The following HIP1 variants were observed in gnomAD, a reference collection of about 807,000 sequenced individuals.
HIP1 encodes huntingtin interacting protein 1.
Under a neutral mutation model 147.6 loss-of-function variants are expected in HIP1, and 65 were observed. That is an observed-to-expected ratio of 0.44 (90% CI 0.36 to 0.54). The LOEUF (loss-of-function observed/expected upper bound fraction) is 0.54, where lower values mean the gene tolerates loss of function less well. Ranked by LOEUF, HIP1 falls within the 20% of genes least tolerant of loss-of-function variation. The pLI, the probability that HIP1 is intolerant of heterozygous loss-of-function variation, is 0.00. For synonymous variants in HIP1, 479 were observed against 504.0 expected, an observed-to-expected ratio of 0.95 and a Z score of 0.67; for missense variants, 1,061 against 1,299.6, an observed-to-expected ratio of 0.82 and a Z score of 2.82.
intron 1 of HIP1, among the ~76,000 whole-genome samples, chr7:75,699,413 G>C (rs373800472): frequency 6.6e-6 from 1 of 151,794 alleles, no homozygotes; most frequent in South Asian, 2.1e-4. Flanking sequence ...TTTTTCCATC[G>C]ATCTCCTGGG....
intron 1 of HIP1, among the ~76,000 whole-genome samples, chr7:75,681,111 C>T (rs1285197076): frequency 1.3e-5 from 2 of 152,068 alleles, no homozygotes; most frequent in Admixed American, 1.3e-4. Flanking sequence ...CAGGGCTTCA[C>T]CATGTTGGTC....
intron 1 of HIP1, among the ~76,000 whole-genome samples, chr7:75,703,431 G>T (rs1353345258): frequency 6.6e-6 from 1 of 152,084 alleles, no homozygotes; most frequent in Non-Finnish European, 1.5e-5. Flanking sequence ...ATCACCCGAG[G>T]TCGGGAGTTC....
chr7:75,579,729 C>T (rs1405208970), intron 7 of HIP1, among the ~76,000 whole-genome samples: 1 of 152,178 alleles, frequency 6.6e-6, no homozygotes, highest in Admixed American at 6.6e-5. Context: ...CATTTCTGCA[C>T]AGATGAACAA....
At chr7:75,669,968 T>G (rs563613455) in intron 1 of HIP1, among the ~76,000 whole-genome samples, 2 of 152,164 alleles carry the variant, frequency 1.3e-5, no homozygotes, top group Non-Finnish European at 2.9e-5. Flanking sequence ...GCCCAGCTAA[T>G]TTTTGTATGT....
intron 1 of HIP1, among the ~76,000 whole-genome samples, chr7:75,712,367 A>C (rs1801186314): frequency 6.6e-6 from 1 of 152,172 alleles, no homozygotes; most frequent in African/African-American, 2.4e-5. Context: ...AGGCACTGAC[A>C]AACAGCTTTA....
intron 2 of HIP1, among the ~76,000 whole-genome samples, chr7:75,594,316 C>T (rs1796609133): frequency 6.6e-6 from 1 of 151,698 alleles, no homozygotes; most frequent in Non-Finnish European, 1.5e-5. Flanking sequence ...TTCCATAAAC[C>T]TGAACACCCG....
At chr7:75,644,794 G>C (rs192072351) in intron 1 of HIP1, among the ~76,000 whole-genome samples, 1 of 152,256 alleles carries the variant, frequency 6.6e-6, no homozygotes, top group Admixed American at 6.5e-5. Context: ...ATCTCCCCAT[G>C]GGAACGCCTG....
At chr7:75,545,674 G>A (rs1014550598) in intron 25 of HIP1, among the ~76,000 whole-genome samples, 1 of 148,884 alleles carries the variant, frequency 6.7e-6, no homozygotes, top group Non-Finnish European at 1.5e-5. Flanking sequence ...GGCTAGGCGC[G>A]GTGGTTCACG....
rs1385286928 is a variant in HIP1, at chr7:75,537,591, G to T, written c.*581C>A. 4.3e-6 allele frequency: 1 copy of T among 233,090 alleles called. No homozygotes were observed. Among genetic ancestry groups the T allele is most frequent in the African/African-American group, 2.2e-5 (1 of 45,298 alleles). 14.4% of individuals were successfully genotyped at this position (233,090 alleles called of 1,614,324 possible). A position where few individuals can be genotyped will look rare whatever the true frequency, so the allele number is the denominator to read the frequency against. On this transcript the variant is annotated 3_prime_UTR_variant, in exon 31 of 31. Coordinates refer to ENST00000336926, the MANE Select transcript of HIP1 (RefSeq NM_005338.7). ...GTGGAAATCCATGGCACTGCCCAAA[G>T]AGGGGGAGAATGGCTTTGGCATTCA... is the stretch of plus-strand genomic sequence containing the variant.
chr7:75,604,100 T>G (rs1797121998), intron 1 of HIP1, among the ~76,000 whole-genome samples: 1 of 142,402 alleles, frequency 7.0e-6, no homozygotes, highest in Non-Finnish European at 1.5e-5. Flanking sequence ...GTTCTTCCCC[T>G]GGCACCATAG....
intron 1 of HIP1, among the ~76,000 whole-genome samples, chr7:75,679,013 C>T (rs1799980749): frequency 6.6e-6 from 1 of 152,152 alleles, no homozygotes; most frequent in African/African-American, 2.4e-5. Context: ...TCTCTCTCTC[C>T]GTTTATCCTC....
At chr7:75,578,510 T>TAA (rs144600855) in intron 7 of HIP1, among the ~76,000 whole-genome samples, 1 of 151,988 alleles carries the variant, frequency 6.6e-6, no homozygotes, top group African/African-American at 2.4e-5. Context: ...GCCTTGTCTC[T>TAA]AAAAAAAGTA....
At chr7:75,637,982 C>A (rs1210140927) in intron 1 of HIP1, among the ~76,000 whole-genome samples, 11 of 34,292 alleles carry the variant, frequency 3.2e-4, no homozygotes, top group Admixed American at 9.3e-4. Context: ...CCCAGACCCC[C>A]CCCCCCCCCC....
At chr7:75,634,660 T>C (rs587643015) in intron 1 of HIP1, among the ~76,000 whole-genome samples, 1 of 152,230 alleles carries the variant, frequency 6.6e-6, no homozygotes, top group South Asian at 2.1e-4. Context: ...GTGTGGTGGC[T>C]CATGCCTGTA....
At chr7:75,603,013 A>AAACACTG (rs1797065484) in intron 1 of HIP1, among the ~76,000 whole-genome samples, 1 of 151,948 alleles carries the variant, frequency 6.6e-6, no homozygotes, top group African/African-American at 2.4e-5. Flanking sequence ...CTACAAGCCA[A>AAACACTG]GGAATGCCAA....
chr7:75,621,313 G>T (rs1554507074), intron 1 of HIP1, among the ~76,000 whole-genome samples: 3 of 96,678 alleles, frequency 3.1e-5, no homozygotes, highest in African/African-American at 8.7e-5. Context: ...AGTATGGCTA[G>T]AGCCGGAAGT....
intron 1 of HIP1, among the ~76,000 whole-genome samples, chr7:75,667,823 T>C (rs887845612): frequency 2.6e-5 from 4 of 152,236 alleles, no homozygotes; most frequent in African/African-American, 9.6e-5. Flanking sequence ...TTTTACTTAT[T>C]TATTAATGCA....
rs1012999115 is a variant in HIP1, at chr7:75,538,184, G to T, written c.3102C>A (p.Thr1034=). Residue 1034 remains threonine, a synonymous_variant, in exon 31 of 31, where the codon ACC becomes ACA. Coordinates refer to ENST00000336926, the MANE Select transcript of HIP1 (RefSeq NM_005338.7). ...TGTTGGTTTGGCTCTATTCTTTTTCGGTTACCACTTCTTGCAGTGTAGGTG... is the reference window on the plus strand; with the variant it reads ...TGTTGGTTTGGCTCTATTCTTTTTCTGTTACCACTTCTTGCAGTGTAGGTG... ...ASPPTLQEVV[T]EKE is the part of the protein sequence containing the mutation. The T allele has an allele frequency of 5.6e-6, 9 of 1,612,024 alleles. No homozygotes were observed. Among genetic ancestry groups the T allele is most frequent in the Non-Finnish European group, 7.6e-6 (9 of 1,178,540 alleles).
rs761017347 is a variant in HIP1 at position 75,595,462 on chromosome 7, C to A, written c.185-2948G>T. Among the ~76,000 whole-genome samples, 70 of 151,774 alleles carry A rather than the reference C, an allele frequency of 4.6e-4. 1 individual carries two copies. The highest frequency in any genetic ancestry group is 9.4e-4 in the Non-Finnish European group (64 of 67,980). ...GGTTCAAGTGATTCTCGTGCCTCAG[C>A]CTCCCAAGTAGCTGGGATCACAGGC... On this transcript the variant is annotated intron_variant, in intron 2 of 30. Transcript: ENST00000336926.
Sources: allele counts gnomAD v4.1 joint callset (sites outside exome capture counted in the v4.1 genomes callset), GRCh38; gene constraint gnomAD v4.1.1; transcripts MANE v1.5; gene names NCBI Gene and HGNC (gene_info 2026-07-23, HGNC 2026-07-21).